NBPF9: variants seen among roughly 807,000 people sequenced by gnomAD.
NBPF9 encodes the protein NBPF member 9.
NBPF9 carries 91 observed loss-of-function variants against 97.8 expected under a neutral mutation model. The ratio of observed to expected loss-of-function variants is 0.93; its 90% CI spans 0.79 to 1.11. NBPF9 has a LOEUF of 1.11. Ranked by LOEUF, NBPF9 falls within the 50% of genes least tolerant of loss-of-function variation. NBPF9 has a pLI of 0.00. For synonymous variants in NBPF9, 334 were observed against 359.5 expected, an observed-to-expected ratio of 0.93 and a Z score of 0.80; for missense variants, 992 against 939.5, an observed-to-expected ratio of 1.06 and a Z score of -0.73.
In NBPF9 at chr1:149,082,411, C is replaced by G. The variant is rs2152909669; in HGVS notation, c.-175G>C. 4.0e-6 allele frequency: 4 copies of G among 1,008,144 alleles called. No individual in the cohort carries two copies. The East Asian group carries it at 1.1e-4, about 28-fold the overall frequency. The allele number at this position is 1,008,144 out of a possible 1,614,324, so 62.4% of individuals were successfully genotyped here. On this transcript the variant is annotated 5_prime_UTR_variant, in exon 6 of 30. Coordinates refer to ENST00000584027, the Ensembl canonical transcript of NBPF9. Reference sequence around the variant, plus strand: ...CTGATAAGAGTGAGGTAGATTGTGGCCAGCGTGCCAGGTAACCGTCTGCAG... The same window carrying G: ...CTGATAAGAGTGAGGTAGATTGTGGGCAGCGTGCCAGGTAACCGTCTGCAG...
At chr1:149,063,952 T>C (rs2078828493) in intron 19 of NBPF9, 147 bp from the exon 20 acceptor site, 1 of 680,328 alleles carries the variant, frequency 1.5e-6, no homozygotes. Context: ...GCCTTTATGT[T>C]GGGATAGACT....
At chr1:149,064,147 C>T (rs1553651027) in intron 19 of NBPF9, among the ~76,000 whole-genome samples, 1 of 137,238 alleles carries the variant, frequency 7.3e-6, no homozygotes, top group African/African-American at 2.9e-5. Flanking sequence ...AAAAGCATGT[C>T]CTCAATAATT....
At chr1:149,099,566 A>C (rs1311320417) in intron 3 of NBPF9, among the ~76,000 whole-genome samples, 39 of 152,260 alleles carry the variant, frequency 2.6e-4, no homozygotes, top group African/African-American at 8.2e-4. Context: ...CCAGGAGCTT[A>C]TGTTGAAAAT....
intron 3 of NBPF9, among the ~76,000 whole-genome samples, chr1:149,100,926 C>T (rs2082104243): frequency 2.7e-5 from 4 of 150,390 alleles, no homozygotes; most frequent in Admixed American, 2.6e-4. Context: ...AGAGTGAGGC[C>T]CTGTCTGAAA....
At chr1:149,062,967 T>G (rs1198867745) in intron 20 of NBPF9, 54 bp from the exon 21 acceptor site, 3 of 750,916 alleles carry the variant, frequency 4.0e-6, no homozygotes, top group South Asian at 1.4e-5. Context: ...CCTACACACA[T>G]AACAATCCAC....
intron 4 of NBPF9, among the ~76,000 whole-genome samples, chr1:149,094,459 G>A (rs587694883): frequency 2.1e-4 from 27 of 128,118 alleles, no homozygotes; most frequent in East Asian, 9.7e-4. Flanking sequence ...CTTTCCAAAT[G>A]TTTATTCTAT....
At position 149,082,075 on chromosome 1, in the gene NBPF9, T is replaced by A. The variant is rs1276595354; in HGVS notation, c.65A>T (p.Glu22Val). Reference sequence around the variant, plus strand: ...CTCTGCCAACTGGGGGCGCAATTTCTCGTTGATTTCTAGAATGTTCATCTC... The same window carrying A: ...CTCTGCCAACTGGGGGCGCAATTTCACGTTGATTTCTAGAATGTTCATCTC... Residue 22 changes from glutamate to valine, a missense_variant, in exon 7 of 30, where the codon GAG becomes GTG. Glu to Val is a moderately radical substitution (Grantham distance 121, BLOSUM62 -2). Coordinates refer to ENST00000584027, the Ensembl canonical transcript of NBPF9. 344 of 1,610,576 alleles carry A rather than the reference T, an allele frequency of 2.1e-4. 1 individual carries two copies. In the African/African-American group the frequency reaches 4.2e-3, roughly 20 times the overall value.
In NBPF9 at chr1:149,061,812, C is replaced by G. The variant is rs879196563; in HGVS notation, c.2251+281G>C. The stretch of plus-strand genomic sequence containing the variant: ...TACAAACCCTTGAGTCCAAATCATA[C>G]TTCTGTGAATTTTTTACATCTGCCT... On this transcript the variant is annotated intron_variant, in intron 22 of 29. Transcript: ENST00000584027. 10 of 319,796 alleles carry G rather than the reference C, an allele frequency of 3.1e-5. 1 individual carries two copies. The highest frequency in any genetic ancestry group is 3.3e-5 in the Non-Finnish European group (6 of 181,816). The allele number at this position is 319,796 out of a possible 1,614,324, so 19.8% of individuals were successfully genotyped here. A position where few individuals can be genotyped will look rare whatever the true frequency, so the allele number is the denominator to read the frequency against.
intron 7 of NBPF9, among the ~76,000 whole-genome samples, chr1:149,080,360 C>A (rs1465605134): frequency 0.065 from 9,085 of 139,692 alleles, 632 homozygotes; most frequent in East Asian, 0.38. Context: ...AGAAAGAGAA[C>A]CTCAAGGGCG....
At chr1:149,095,014 A>G (rs79459691) in intron 4 of NBPF9, among the ~76,000 whole-genome samples, 106 of 146,586 alleles carry the variant, frequency 7.2e-4, no homozygotes, top group South Asian at 1.5e-3. Flanking sequence ...CCAGGTTCTC[A>G]TGATGAAGTT....
chr1:149,093,204 T>A (rs1185944753), intron 4 of NBPF9, among the ~76,000 whole-genome samples: 50 of 151,698 alleles, frequency 3.3e-4, no homozygotes, highest in Non-Finnish European at 6.2e-4. Flanking sequence ...GATGTGCATA[T>A]ACAGAAACAT....
intron 10 of NBPF9, 90 bp from the exon 11 acceptor site, chr1:149,077,509 T>A: frequency 1.9e-6 from 3 of 1,570,450 alleles, no homozygotes. Context: ...ACAGGCGGCA[T>A]TAAGAGAGTG....
chr1:149,101,049 G>A (rs1244105075), intron 3 of NBPF9, among the ~76,000 whole-genome samples: 1 of 151,356 alleles, frequency 6.6e-6, no homozygotes, highest in Non-Finnish European at 1.5e-5. Context: ...ACAAAAAGCA[G>A]TAACCATAAA....
intron 3 of NBPF9, among the ~76,000 whole-genome samples, chr1:149,099,681 T>A (rs1343481306): frequency 6.6e-6 from 1 of 152,234 alleles, no homozygotes; most frequent in South Asian, 2.1e-4. Flanking sequence ...TAGAAAAACA[T>A]AAAAATCATT....
Position 149,054,306 on chromosome 1 carries a change from T to G in NBPF9, c.*1350A>C, listed in dbSNP as rs1254293189. 7.9e-5 allele frequency: 9 copies of G among 113,554 alleles called. 1 individual carries two copies. The Admixed American group carries it at 8.1e-4, about 10-fold the overall frequency. The allele number at this position is 113,554 out of a possible 1,614,324, so 7.0% of individuals were successfully genotyped here. On this transcript the variant is annotated 3_prime_UTR_variant, in exon 30 of 30. Transcript: ENST00000584027. ...CAGCGTAGAGATATGAATATAATAA[T>G]AGACACAGGCAGGGAGGATTAATAA...
intron 27 of NBPF9, among the ~76,000 whole-genome samples, chr1:149,057,762 G>C (rs61807141): frequency 7.5e-4 from 80 of 106,336 alleles, no homozygotes; most frequent in African/African-American, 2.6e-3. Context: ...CAGAGAGAGA[G>C]AGAGAGAGAG....
At position 149,059,303 on chromosome 1, in the gene NBPF9, C is replaced by T; in HGVS notation, c.2586-206G>A. ...AGAGAAAGACAGGGAGAGACAGAGACAGAGACAGAGAGAAAGTGACCTAGT... is the reference window on the plus strand; with the variant it reads ...AGAGAAAGACAGGGAGAGACAGAGATAGAGACAGAGAGAAAGTGACCTAGT... On this transcript the variant is annotated intron_variant, in intron 25 of 29. Transcript: ENST00000584027. The T allele has an allele frequency of 2.3e-5, 11 of 485,430 alleles. 3 individuals are homozygous for T. The South Asian group carries it at 2.5e-4, about 11-fold the overall frequency. The allele number at this position is 485,430 out of a possible 1,614,324, so 30.1% of individuals were successfully genotyped here. A position where few individuals can be genotyped will look rare whatever the true frequency, so the allele number is the denominator to read the frequency against.
intron 3 of NBPF9, among the ~76,000 whole-genome samples, chr1:149,099,795 G>A (rs1488480578): frequency 6.6e-6 from 1 of 151,648 alleles, no homozygotes; most frequent in African/African-American, 2.4e-5. Context: ...AACCAGTCTG[G>A]GCACTACAGG....
At chr1:149,071,225 G>C (rs1241352806) in intron 15 of NBPF9, 86 bp from the exon 16 acceptor site, 21 of 1,179,992 alleles carry the variant, frequency 1.8e-5, no homozygotes, top group Non-Finnish European at 2.4e-5. Flanking sequence ...TTTGACAGGC[G>C]GCATTAAGAG....
Sources: gnomAD v4.1 joint callset for allele counts (sites outside exome capture counted in the v4.1 genomes callset) on GRCh38, gnomAD v4.1.1 for gene constraint, MANE v1.5 for transcripts, NCBI Gene and HGNC (gene_info 2026-07-23, HGNC 2026-07-21) for gene names.